The following NAALADL2 variants were observed in gnomAD, a reference collection of about 807,000 sequenced individuals.
NAALADL2 encodes the protein inactive N-acetylated-alpha-linked acidic dipeptidase-like protein 2.
In NAALADL2, 76 loss-of-function variants were observed where a neutral mutation model predicts 87.2. The observed-to-expected ratio is 0.87, with a 90% CI of 0.72 to 1.05. The LOEUF (loss-of-function observed/expected upper bound fraction) is 1.05. Ranked by LOEUF, NAALADL2 falls within the 50% of genes least tolerant of loss-of-function variation. The pLI is 0.00. For synonymous variants in NAALADL2, 354 were observed against 331.0 expected (o/e 1.07, Z -0.75); for missense variants, 1,089 against 945.8 (o/e 1.15, Z -1.99).
rs184866016 is a variant in NAALADL2, at chr3:174,947,163, A to C, written c.43+87713A>C. On this transcript the variant is annotated intron_variant, in intron 1 of 13. Coordinates refer to ENST00000454872, the MANE Select transcript of NAALADL2 (RefSeq NM_207015.3). ...GTCAAATGTATAATTTTGCTGCCAC[A>C]TGATACTGATTTTTCTATATTATAG... 3.3e-5 allele frequency among the ~76,000 whole-genome samples: 5 copies of C among 152,274 alleles called. No homozygotes were observed. In the East Asian group the frequency reaches 9.7e-4, roughly 29 times the overall value.
chr3:175,420,273 A>G (rs1334961766), intron 5 of NAALADL2, among the ~76,000 whole-genome samples: 2 of 152,040 alleles, frequency 1.3e-5, no homozygotes, highest in African/African-American at 4.8e-5. Flanking sequence ...TTAGATTGGC[A>G]CTTTCATCGT....
intron 4 of NAALADL2, among the ~76,000 whole-genome samples, chr3:175,307,169 C>A (rs887561408): frequency 6.6e-6 from 1 of 151,664 alleles, no homozygotes; most frequent in African/African-American, 2.4e-5. Context: ...CCCAGGGTGA[C>A]AATTTATTAA....
intron 2 of NAALADL2, among the ~76,000 whole-genome samples, chr3:174,621,688 ACT>A (rs1224369059): frequency 6.6e-6 from 1 of 152,072 alleles, no homozygotes; most frequent in East Asian, 1.9e-4. Flanking sequence ...ACCCCCATTG[ACT>A]CTGTGTTTCC....
intron 11 of NAALADL2, among the ~76,000 whole-genome samples, chr3:175,683,582 T>A (rs897038351): frequency 1.3e-5 from 2 of 151,988 alleles, no homozygotes; most frequent in Non-Finnish European, 2.9e-5. Context: ...ATATACAAGT[T>A]TCTATTTAAA....
intron 3 of NAALADL2, among the ~76,000 whole-genome samples, chr3:174,789,849 G>C (rs1006991148): frequency 4.6e-5 from 7 of 152,156 alleles, no homozygotes; most frequent in African/African-American, 1.7e-4. Context: ...ACAGATAGAA[G>C]AACAACCTCT....
chr3:175,116,749 A>C (rs879552845), intron 2 of NAALADL2, among the ~76,000 whole-genome samples: 8 of 148,562 alleles, frequency 5.4e-5, no homozygotes, highest in Admixed American at 2.6e-4. Context: ...ACAACAACAA[A>C]AAAACCAAAA....
intron 1 of NAALADL2, among the ~76,000 whole-genome samples, chr3:174,873,483 G>A (rs955949050): frequency 3.3e-5 from 5 of 151,866 alleles, no homozygotes; most frequent in Admixed American, 2.6e-4. Context: ...TTGAACTCCC[G>A]ACCTTGCGAT....
chr3:174,796,774 A>G (rs1273148257), intron 3 of NAALADL2, among the ~76,000 whole-genome samples: 1 of 71,204 alleles, frequency 1.4e-5, no homozygotes, highest in African/African-American at 6.2e-5. Context: ...GGCCATTTGT[A>G]TGTCTTCTTT....
chr3:175,206,960 A>T (rs1356213678), intron 2 of NAALADL2, among the ~76,000 whole-genome samples: 1 of 152,160 alleles, frequency 6.6e-6, no homozygotes, highest in Non-Finnish European at 1.5e-5. Context: ...AAAGCAGTGC[A>T]TGCGAATATG....
chr3:175,417,891 A>G (rs537430199), intron 5 of NAALADL2, among the ~76,000 whole-genome samples: 2 of 152,262 alleles, frequency 1.3e-5, no homozygotes, highest in South Asian at 2.1e-4. Flanking sequence ...CTCCTTTCTT[A>G]TGGGCTCCTG....
intron 1 of NAALADL2, among the ~76,000 whole-genome samples, chr3:175,084,465 A>T (rs368373783): frequency 3.7e-4 from 57 of 152,260 alleles, no homozygotes; most frequent in African/African-American, 1.3e-3. Context: ...CCAACAAAGT[A>T]GTTTAATTTC....
At chr3:175,240,397 C>G (rs1746633848) in intron 3 of NAALADL2, among the ~76,000 whole-genome samples, 1 of 152,222 alleles carries the variant, frequency 6.6e-6, no homozygotes, top group African/African-American at 2.4e-5. Flanking sequence ...CAATCAGATG[C>G]CTATTTTCTC....
At chr3:174,597,746 G>A (rs540910262) in intron 2 of NAALADL2, among the ~76,000 whole-genome samples, 1 of 152,238 alleles carries the variant, frequency 6.6e-6, no homozygotes, top group Admixed American at 6.5e-5. Flanking sequence ...AGCATAATTT[G>A]TATTGCAATT....
chr3:175,607,699 A>G (rs546399813), intron 10 of NAALADL2, among the ~76,000 whole-genome samples: 4 of 152,246 alleles, frequency 2.6e-5, no homozygotes, highest in South Asian at 4.1e-4. Context: ...ATGCTTCTTG[A>G]TCACACCTGT....
intron 9 of NAALADL2, among the ~76,000 whole-genome samples, chr3:175,485,313 A>G (rs1374733210): frequency 6.6e-6 from 1 of 152,134 alleles, no homozygotes. Flanking sequence ...AGTCTGAATT[A>G]GGTAGGATTC....
At chr3:175,003,373 A>G (rs62287673) in intron 1 of NAALADL2, among the ~76,000 whole-genome samples, 8,507 of 152,272 alleles carry the variant, frequency 0.056, 278 homozygotes, top group East Asian at 0.12. Flanking sequence ...ACAAAAAAGT[A>G]AATACTTAAT....
intron 2 of NAALADL2, among the ~76,000 whole-genome samples, chr3:175,178,408 T>G (rs1258541555): frequency 6.6e-6 from 1 of 152,026 alleles, no homozygotes; most frequent in African/African-American, 2.4e-5. Flanking sequence ...ACTAGTCTGG[T>G]CAATTGTGTA....
At chr3:175,048,991 G>C (rs552365553) in intron 1 of NAALADL2, among the ~76,000 whole-genome samples, 1 of 152,206 alleles carries the variant, frequency 6.6e-6, no homozygotes, top group South Asian at 2.1e-4. Flanking sequence ...ATAAATTAGG[G>C]ATGTAATCAG....
rs530621517 is a variant in NAALADL2 at position 175,388,103 on chromosome 3, GA to G, written c.1091-59125del. Among the ~76,000 whole-genome samples the G allele has an allele frequency of 5.3e-5, 8 of 152,128 alleles. No homozygotes were observed. The East Asian group carries it at 1.5e-3, about 29-fold the overall frequency. Reference sequence around the variant, plus strand: ...TAACCAAATTTTGAAAGGAAACTATGATCTCCTATCCTCCCAGAAAGTCAAG... The same window carrying G: ...TAACCAAATTTTGAAAGGAAACTATGTCTCCTATCCTCCCAGAAAGTCAAG... On this transcript the variant is annotated intron_variant, in intron 5 of 13. Transcript: ENST00000454872.
Sources: allele counts gnomAD v4.1 joint callset (sites outside exome capture counted in the v4.1 genomes callset), GRCh38; gene constraint gnomAD v4.1.1; transcripts MANE v1.5; gene names NCBI Gene and HGNC (gene_info 2026-07-23, HGNC 2026-07-21).